DCX: variants seen among roughly 807,000 people sequenced by gnomAD.
DCX encodes the protein doublecortin.
DCX carries 4 observed loss-of-function variants against 20.9 expected under a neutral mutation model. The ratio of observed to expected loss-of-function variants is 0.19; its 90% CI spans 0.09 to 0.44. DCX has a LOEUF of 0.44. Among genes scored for constraint, DCX ranks in the 20% least tolerant of loss-of-function variants. The pLI is 0.99. For missense variants in DCX, 133 were observed against 296.9 expected (o/e 0.45, Z 4.06); for synonymous variants, 103 against 111.4 (o/e 0.92, Z 0.47).
chrX:111,372,397 G>A (rs1018404513), intron 3 of DCX, among the ~76,000 whole-genome samples: 6 of 112,018 alleles, frequency 5.4e-5, no homozygotes, highest in Admixed American at 9.5e-5. Flanking sequence ...TCCACAGAAC[G>A]AGAGAATGGG....
intron 3 of DCX, among the ~76,000 whole-genome samples, chrX:111,360,499 T>C (rs1924121736): frequency 2.7e-5 from 3 of 111,004 alleles, no homozygotes; most frequent in Admixed American, 1.9e-4. Context: ...TACAAAAAAA[T>C]AGAAAGAATG....
chrX:111,372,969 G>A (rs1925222572), intron 3 of DCX, among the ~76,000 whole-genome samples: 1 of 110,965 alleles, frequency 9.0e-6, no homozygotes, highest in South Asian at 3.8e-4. Flanking sequence ...GATATCGCTG[G>A]CAATTTAGCT....
chrX:111,323,919 A>G (rs1204987527), intron 5 of DCX, among the ~76,000 whole-genome samples: 1 of 111,615 alleles, frequency 9.0e-6, no homozygotes. Flanking sequence ...GGACTGCTGT[A>G]TAAGTCACAT....
intron 3 of DCX, among the ~76,000 whole-genome samples, chrX:111,375,622 A>G (rs929798287): frequency 1.8e-5 from 2 of 111,011 alleles, no homozygotes; most frequent in South Asian, 3.8e-4. Context: ...TACTTGGAGG[A>G]TGATCCATTG....
intron 3 of DCX, among the ~76,000 whole-genome samples, chrX:111,336,366 G>T (rs999272786): frequency 8.9e-6 from 1 of 112,358 alleles, no homozygotes; most frequent in Non-Finnish European, 1.9e-5. Flanking sequence ...ACTCACAATG[G>T]TGTGGCTGGC....
At chrX:111,310,488 G>A (rs1420738020) in intron 6 of DCX, among the ~76,000 whole-genome samples, 4 of 111,201 alleles carry the variant, frequency 3.6e-5, no homozygotes, top group Non-Finnish European at 7.6e-5. Flanking sequence ...AACAACTAGT[G>A]AATCCCTGTA....
At chrX:111,406,766 C>T (rs1423714046) in intron 2 of DCX, among the ~76,000 whole-genome samples, 1 of 112,095 alleles carries the variant, frequency 8.9e-6, no homozygotes, top group Non-Finnish European at 1.9e-5. Context: ...GTAGATTAAC[C>T]ATTGTCTAGA....
chrX:111,393,250 T>C (rs750367168), intron 3 of DCX, among the ~76,000 whole-genome samples: 1 of 110,911 alleles, frequency 9.0e-6, no homozygotes, highest in Non-Finnish European at 1.9e-5. Flanking sequence ...TTTCAACAAA[T>C]AGTGCTAGAA....
intron 3 of DCX, among the ~76,000 whole-genome samples, chrX:111,343,042 C>G (rs1922428729): frequency 9.2e-6 from 1 of 109,056 alleles, no homozygotes; most frequent in African/African-American, 3.4e-5. Flanking sequence ...CAAAAGCTAG[C>G]AGAAGACAAG....
At chrX:111,368,901 T>TACACACACACACACACAC (rs200777698) in intron 3 of DCX, among the ~76,000 whole-genome samples, 4 of 98,265 alleles carry the variant, frequency 4.1e-5, no homozygotes, top group African/African-American at 1.5e-4. Flanking sequence ...TATATATACA[T>TACACACACACACACACAC]ACACACACAC....
At chrX:111,395,790 T>A (rs1467987008) in intron 3 of DCX, among the ~76,000 whole-genome samples, 1 of 112,354 alleles carries the variant, frequency 8.9e-6, no homozygotes, top group Admixed American at 9.4e-5. Context: ...GAGGCATAAT[T>A]TATGCCCATG....
rs759710539 is a variant in DCX at position 111,299,895 on chromosome X, C to T, written c.*1792G>A. 4 of 111,364 alleles carry T rather than the reference C, an allele frequency of 3.6e-5. No individual in the cohort carries two copies. Among genetic ancestry groups the T allele is most frequent in the African/African-American group, 1.3e-4 (4 of 30,608 alleles). The allele number at this position is 111,364 out of a possible 1,213,427, so 9.2% of individuals were successfully genotyped here. On this transcript the variant is annotated 3_prime_UTR_variant, in exon 7 of 7. Transcript: ENST00000636035. ...CTACCCCACCACCACTGGGTTCCCC[C>T]CTACACAGTGCACATCAGCAGTGCC... is the stretch of plus-strand genomic sequence containing the variant.
intron 3 of DCX, among the ~76,000 whole-genome samples, chrX:111,355,317 T>C (rs1923646181): frequency 1.8e-5 from 2 of 111,364 alleles, no homozygotes; most frequent in Admixed American, 9.6e-5. Context: ...TGGGCACTGG[T>C]AAGTCCACAA....
intron 3 of DCX, among the ~76,000 whole-genome samples, chrX:111,341,556 C>T (rs1922240017): frequency 9.1e-6 from 1 of 110,408 alleles, no homozygotes; most frequent in Non-Finnish European, 1.9e-5. Flanking sequence ...GAAGATCAAC[C>T]CCAAGACACA....
chrX:111,333,470 C>T (rs1921448436), intron 3 of DCX, among the ~76,000 whole-genome samples: 1 of 111,322 alleles, frequency 9.0e-6, no homozygotes, highest in Non-Finnish European at 1.9e-5. Flanking sequence ...ATAAATGTCA[C>T]CTTTTCTCAG....
chrX:111,310,107 C>T (rs868709958), intron 6 of DCX, among the ~76,000 whole-genome samples: 5 of 112,154 alleles, frequency 4.5e-5, no homozygotes, highest in Non-Finnish European at 9.4e-5. Context: ...CCGAGGCAGG[C>T]GGATCACGAG....
chrX:111,344,909 A>G (rs1045516310), intron 3 of DCX, among the ~76,000 whole-genome samples: 1 of 112,332 alleles, frequency 8.9e-6, no homozygotes, highest in African/African-American at 3.2e-5. Flanking sequence ...TTTCATATGG[A>G]ATCAAAGAAG....
At chrX:111,349,953 A>T (rs1410585662) in intron 3 of DCX, among the ~76,000 whole-genome samples, 1 of 111,255 alleles carries the variant, frequency 9.0e-6, no homozygotes, top group South Asian at 3.8e-4. Flanking sequence ...GTTCATTACC[A>T]CTCTTAGGCC....
At chrX:111,402,074 C>T (rs1290933244) in intron 2 of DCX, among the ~76,000 whole-genome samples, 1 of 112,069 alleles carries the variant, frequency 8.9e-6, no homozygotes, top group Non-Finnish European at 1.9e-5. Context: ...CATGTTTCTA[C>T]CACTCACCCT....
Sources: gnomAD v4.1 joint callset for allele counts (sites outside exome capture counted in the v4.1 genomes callset) on GRCh38, gnomAD v4.1.1 for gene constraint, MANE v1.5 for transcripts, NCBI Gene and HGNC (gene_info 2026-07-23, HGNC 2026-07-21) for gene names.